CCDC117: variants seen among roughly 807,000 people sequenced by gnomAD.
The protein encoded by CCDC117 is coiled-coil domain-containing protein 117.
Under a neutral mutation model 23.5 loss-of-function variants are expected in CCDC117, and 1 was observed. That is an observed-to-expected ratio of 0.04 (90% CI 0.02 to 0.20). The LOEUF (loss-of-function observed/expected upper bound fraction) is 0.20, where lower values mean the gene tolerates loss of function less well. CCDC117 is among the 10% of genes least tolerant of loss of function. The pLI is 1.00. For missense variants in CCDC117, 383 were observed against 348.2 expected (o/e 1.10, Z -0.80); for synonymous variants, 132 against 124.8 (o/e 1.06, Z -0.39).
At position 28,786,541 on chromosome 22, in the gene CCDC117, G is replaced by C. The variant is rs1192862547; in HGVS notation, c.*215G>C. ...TGTCTCAAGGGAAAAGCAGTTTTCT[G>C]TGGGGCTTATTAAAGGAATGTTGGT... On this transcript the variant is annotated 3_prime_UTR_variant, in exon 5 of 5. Transcript: ENST00000249064. 1.9e-6 allele frequency: 1 copy of C among 515,400 alleles called. No individual in the cohort carries two copies. The highest frequency in any genetic ancestry group is 1.9e-5 in the African/African-American group (1 of 52,472). 31.9% of individuals were successfully genotyped at this position (515,400 alleles called of 1,614,324 possible).
At chr22:28,786,067 A>C in intron 4 of CCDC117, 22 bp from the exon 5 acceptor site, 1 of 1,553,708 alleles carries the variant, frequency 6.4e-7, no homozygotes, top group Non-Finnish European at 8.7e-7. Flanking sequence ...TTTTTGATAA[A>C]AGTCTGTATT....
chr22:28,780,914 G>T, intron 2 of CCDC117, 34 bp from the exon 3 acceptor site: 1 of 1,458,736 alleles, frequency 6.9e-7, no homozygotes, highest in South Asian at 1.2e-5. Context: ...TATATTAGTT[G>T]GGATTTTCAT....
Position 28,772,751 on chromosome 22 carries a change from C to A in CCDC117, c.-99C>A. 3 of 982,344 alleles carry A rather than the reference C, an allele frequency of 3.1e-6. No individual in the cohort carries two copies. Among genetic ancestry groups the A allele is most frequent in the Non-Finnish European group, 3.9e-6 (3 of 768,782 alleles). 60.9% of individuals were successfully genotyped at this position (982,344 alleles called of 1,614,324 possible). ...GTGACGTGGGGTCGAGAGCGGGATC[C>A]GAGGCTGGCGGGTTTTGGCAGTAGC... On this transcript the variant is annotated 5_prime_UTR_variant, in exon 1 of 5. Transcript: ENST00000249064.
Position 28,773,001 on chromosome 22 carries a change from C to T in CCDC117, c.152C>T (p.Pro51Leu), listed in dbSNP as rs2031034664. 2 of 1,192,776 alleles carry T rather than the reference C, an allele frequency of 1.7e-6. No individual in the cohort carries two copies. The highest frequency in any genetic ancestry group is 2.1e-6 in the Non-Finnish European group (2 of 962,642). The allele number at this position is 1,192,776 out of a possible 1,614,324, so 73.9% of individuals were successfully genotyped here. A position where few individuals can be genotyped will look rare whatever the true frequency, so the allele number is the denominator to read the frequency against. Residue 51 changes from proline (P) to leucine (L), a missense_variant, in exon 1 of 5, where the codon CCT becomes CTT. Transcript: ENST00000249064. ...CCGCGGCCGGGACCTCGCGCAGTCC[C>T]TAGCAGTCCCGCTGGGAGTGCGGCG... ...LAPRPGPRAV[P>L]SSPAGSAARG...
Position 28,783,536 on chromosome 22 carries a change from G to A in CCDC117, c.493G>A (p.Ala165Thr), listed in dbSNP as rs760180713. 1.2e-6 allele frequency: 2 copies of A among 1,613,710 alleles called. No homozygotes were observed. The highest frequency in any genetic ancestry group is 2.2e-5 in the East Asian group (1 of 44,848). Reference protein sequence around the residue: ...RIIDEDEEVEADRNVNHLPSL... With the variant: ...RIIDEDEEVETDRNVNHLPSL... ...AATTGATGAAGATGAAGAAGTTGAAGCTGACAGAAATGTTAACCATCTCCC... is the reference window on the plus strand; with the variant it reads ...AATTGATGAAGATGAAGAAGTTGAAACTGACAGAAATGTTAACCATCTCCC... Residue 165 changes from alanine to threonine, a missense_variant, in exon 4 of 5, where the codon GCT (alanine) becomes ACT (threonine). By Grantham distance (58) the Ala-to-Thr change is moderately conservative (BLOSUM62 0). Transcript: ENST00000249064.
intron 3 of CCDC117, among the ~76,000 whole-genome samples, chr22:28,781,825 T>TA (rs978942132): frequency 1.4e-4 from 21 of 150,492 alleles, no homozygotes; most frequent in African/African-American, 4.9e-4. Flanking sequence ...GTATTTTTAA[T>TA]AGAGATGGGG....
chr22:28,780,580 C>T (rs930972885), intron 2 of CCDC117, among the ~76,000 whole-genome samples: 1 of 152,184 alleles, frequency 6.6e-6, no homozygotes, highest in Non-Finnish European at 1.5e-5. Context: ...CCACCTCAGC[C>T]ATTCCAAGTG....
chr22:28,781,340 T>TTTTTTTTTTG (rs2031321158), intron 3 of CCDC117, among the ~76,000 whole-genome samples, 168 bp downstream of exon 3: 2 of 4,238 alleles, frequency 4.7e-4, no homozygotes, highest in Non-Finnish European at 6.6e-4. Context: ...GTTTTGTTTT[T>TTTTTTTTTTG]TTTTTTTTTT....
intron 3 of CCDC117, 123 bp downstream of exon 3, chr22:28,781,295 C>T: frequency 2.0e-6 from 1 of 489,470 alleles, no homozygotes; most frequent in Non-Finnish European, 3.9e-6. Context: ...AAGACTAAGT[C>T]AGATAATTCA....
intron 3 of CCDC117, 89 bp from the exon 4 acceptor site, chr22:28,783,419 T>A (rs1313137144): frequency 2.4e-5 from 32 of 1,325,406 alleles, no homozygotes; most frequent in Non-Finnish European, 3.2e-5. Context: ...TTTTATCCTT[T>A]TTTATTTTTA....
rs935528913 is a variant in CCDC117, at chr22:28,783,699, A to G, written c.602+54A>G. 4.5e-5 allele frequency: 69 copies of G among 1,546,380 alleles called. No individual in the cohort carries two copies. In the South Asian group the frequency reaches 6.5e-4, roughly 15 times the overall value. ...ATTATGATCTTGGAGGGAAGACCCA[A>G]TGTCTAGATTCTGCCCACCCTGTCC... is the stretch of plus-strand genomic sequence containing the variant. On this transcript the variant is annotated intron_variant, in intron 4 of 4. Transcript: ENST00000249064.
intron 2 of CCDC117, among the ~76,000 whole-genome samples, chr22:28,777,034 G>GGT (rs2031182211): frequency 7.8e-6 from 1 of 128,438 alleles, no homozygotes; most frequent in African/African-American, 3.0e-5. Context: ...TACTGTAGCT[G>GGT]TTTTTTTTTT....
At position 28,773,794 on chromosome 22, in the gene CCDC117, T is replaced by G. The variant is rs529946010; in HGVS notation, c.239+16T>G. On this transcript the variant is annotated intron_variant, in intron 2 of 4. Coordinates refer to ENST00000249064, the MANE Select transcript of CCDC117 (RefSeq NM_173510.4). ...AGGATGATGAGTAAGTTTCAGTGGT[T>G]GTTTATTCACTCTGTGGTCACCGTT... 98 of 1,607,286 alleles carry G rather than the reference T, an allele frequency of 6.1e-5. No individual in the cohort carries two copies. The highest frequency in any genetic ancestry group is 7.2e-5 in the Non-Finnish European group (85 of 1,173,916).
In CCDC117 at chr22:28,787,306, A is replaced by G. The variant is rs1422871769; in HGVS notation, c.*980A>G. The G allele has an allele frequency of 6.6e-6, 1 of 151,630 alleles. No individual in the cohort carries two copies. The highest frequency in any genetic ancestry group is 1.5e-5 in the Non-Finnish European group (1 of 67,962). 9.4% of individuals were successfully genotyped at this position (151,630 alleles called of 1,614,324 possible). ...AGGTGCCCACCTCCACGCCCAGCTA[A>G]TTTTTGTATTTTTAATAGAGACCGG... On this transcript the variant is annotated 3_prime_UTR_variant, in exon 5 of 5. Transcript: ENST00000249064.
intron 2 of CCDC117, among the ~76,000 whole-genome samples, chr22:28,779,622 T>C (rs1471730579): frequency 1.3e-5 from 2 of 152,254 alleles, no homozygotes. Context: ...TTTTGTTTAA[T>C]AGTTGACTGC....
chr22:28,775,445 A>G (rs987512359), intron 2 of CCDC117, among the ~76,000 whole-genome samples: 6 of 152,136 alleles, frequency 3.9e-5, no homozygotes, highest in African/African-American at 1.4e-4. Flanking sequence ...CTTGACGTGG[A>G]ATTGCTGGGT....
chr22:28,781,330 GTTTTGTTTTTTT>G (rs2031313992), intron 3 of CCDC117, among the ~76,000 whole-genome samples, 158 bp downstream of exon 3: 4 of 37,626 alleles, frequency 1.1e-4, no homozygotes, highest in African/African-American at 1.5e-4. Context: ...TTGTTTTTTT[GTTTTGTTTTTTT>G]TTTTTTTTTT....
intron 2 of CCDC117, among the ~76,000 whole-genome samples, chr22:28,777,409 TTA>T (rs2031196895): frequency 2.0e-5 from 3 of 152,220 alleles, no homozygotes; most frequent in East Asian, 3.8e-4. Context: ...TGATGTAATT[TTA>T]TGTTTGTAGA....
chr22:28,785,955 A>G lies in CCDC117; in HGVS notation c.603-134A>G, dbSNP rs986509170. 8 of 625,674 alleles carry G rather than the reference A, an allele frequency of 1.3e-5. No individual in the cohort carries two copies. In the African/African-American group the frequency reaches 1.3e-4, roughly 10 times the overall value. 38.8% of individuals were successfully genotyped at this position (625,674 alleles called of 1,614,324 possible). ...AAAAAAAAAAAAGAAAGTAAAGATC[A>G]GTTTGTGTGTTCTAAATCTCCTGTT... is the stretch of plus-strand genomic sequence containing the variant. On this transcript the variant is annotated intron_variant, in intron 4 of 4. Transcript: ENST00000249064.
Sources: gnomAD v4.1 joint callset for allele counts (sites outside exome capture counted in the v4.1 genomes callset) on GRCh38, gnomAD v4.1.1 for gene constraint, MANE v1.5 for transcripts, NCBI Gene and HGNC (gene_info 2026-07-23, HGNC 2026-07-21) for gene names.